Variants in FOXP1 observed in about 807,000 individuals in gnomAD.
FOXP1 encodes forkhead box P1.
FOXP1 carries 15 observed loss-of-function variants against 98.2 expected under a neutral mutation model. The ratio of observed to expected loss-of-function variants is 0.15; its 90% CI spans 0.10 to 0.24. The LOEUF (loss-of-function observed/expected upper bound fraction) is 0.24. FOXP1 is among the 10% of genes least tolerant of loss of function. FOXP1 has a pLI of 1.00. For missense variants in FOXP1, 633 were observed against 848.5 expected (o/e 0.75, Z 3.15); for synonymous variants, 371 against 314.5 (o/e 1.18, Z -1.90).
At chr3:71,412,718 T>C (rs2082848262) in intron 3 of FOXP1, among the ~76,000 whole-genome samples, 1 of 152,174 alleles carries the variant, frequency 6.6e-6, no homozygotes, top group Non-Finnish European at 1.5e-5. Flanking sequence ...GGGCTCACCC[T>C]TCACATCTTG....
At chr3:71,434,642 G>A (rs1235685215) in intron 3 of FOXP1, among the ~76,000 whole-genome samples, 1 of 151,282 alleles carries the variant, frequency 6.6e-6, no homozygotes, top group Non-Finnish European at 1.5e-5. Context: ...GTGTGTGTGT[G>A]TGTGTGTGTG....
chr3:71,070,516 G>C (rs942449009), intron 7 of FOXP1, among the ~76,000 whole-genome samples: 1 of 152,114 alleles, frequency 6.6e-6, no homozygotes, highest in Non-Finnish European at 1.5e-5. Context: ...TCCAAAAAAC[G>C]GAAGAGAAAA....
chr3:71,179,217 C>T (rs989430542), intron 6 of FOXP1, among the ~76,000 whole-genome samples: 3 of 151,108 alleles, frequency 2.0e-5, no homozygotes, highest in Non-Finnish European at 2.9e-5. Flanking sequence ...CAACCTCCGC[C>T]TCCCGGGTTC....
At chr3:71,005,626 C>T (rs1289049815) in intron 12 of FOXP1, among the ~76,000 whole-genome samples, 1 of 152,068 alleles carries the variant, frequency 6.6e-6, no homozygotes, top group African/African-American at 2.4e-5. Context: ...CAAAGACCCA[C>T]CCTTGATAGG....
At chr3:71,104,255 AC>A (rs1204025412) in intron 7 of FOXP1, among the ~76,000 whole-genome samples, 1 of 152,090 alleles carries the variant, frequency 6.6e-6, no homozygotes, top group Non-Finnish European at 1.5e-5. Context: ...ATTTTAAACA[AC>A]TTAAGGAAAC....
rs931493078 is a variant in FOXP1, at chr3:70,959,250, C to G, written c.2031G>C (p.Glu677Asp). 1 of 1,613,622 alleles carries G rather than the reference C, an allele frequency of 6.2e-7. No homozygotes were observed. Among genetic ancestry groups the G allele is most frequent in the East Asian group, 2.2e-5 (1 of 44,846 alleles). ...CGGGGTTGGCCCGCCCCGATAGTCA[C>G]TCCATGTCCTCGTTTACTGGTTCAT... ...YEDEPVNEDM[E>D] is the part of the protein sequence containing the mutation. Residue 677 changes from glutamate (E) to aspartate (D), a missense_variant, in exon 21 of 21, where the codon GAG becomes GAC. This residue lies in a region of FOXP1 where 150 missense variants were observed against 163.7 expected (regional missense o/e 0.92). Coordinates refer to ENST00000649528, the MANE Select transcript of FOXP1 (RefSeq NM_001349338.3).
At chr3:71,478,871 C>A (rs964463967) in intron 3 of FOXP1, among the ~76,000 whole-genome samples, 5 of 152,168 alleles carry the variant, frequency 3.3e-5, no homozygotes, top group African/African-American at 1.2e-4. Flanking sequence ...CTCAAGATAC[C>A]CATGCCCAGT....
At chr3:71,430,131 G>C (rs978444239) in intron 3 of FOXP1, among the ~76,000 whole-genome samples, 6 of 152,150 alleles carry the variant, frequency 3.9e-5, no homozygotes, top group African/African-American at 1.2e-4. Flanking sequence ...CTGGGAATGA[G>C]ACAATTCAGG....
At chr3:71,441,827 A>G (rs1317969819) in intron 3 of FOXP1, among the ~76,000 whole-genome samples, 1 of 152,182 alleles carries the variant, frequency 6.6e-6, no homozygotes, top group Non-Finnish European at 1.5e-5. Context: ...AGGCCCTTCA[A>G]CATCTTGGCA....
intron 3 of FOXP1, among the ~76,000 whole-genome samples, chr3:71,376,454 T>C (rs963634237): frequency 6.6e-6 from 1 of 152,214 alleles, no homozygotes; most frequent in Non-Finnish European, 1.5e-5. Flanking sequence ...CCAGTGATAT[T>C]GGCTAGTACA....
At chr3:71,178,727 CA>C (rs998400799) in intron 6 of FOXP1, among the ~76,000 whole-genome samples, 1 of 151,484 alleles carries the variant, frequency 6.6e-6, no homozygotes, top group African/African-American at 2.4e-5. Context: ...ACTAAAAATA[CA>C]AAAAAATTAG....
intron 7 of FOXP1, among the ~76,000 whole-genome samples, chr3:71,093,889 A>G (rs528888291): frequency 6.6e-6 from 1 of 152,282 alleles, no homozygotes; most frequent in East Asian, 1.9e-4. Flanking sequence ...AAAATCAATA[A>G]TCTTCTCATG....
At chr3:70,995,592 T>G (rs1003950291) in intron 13 of FOXP1, among the ~76,000 whole-genome samples, 1 of 152,186 alleles carries the variant, frequency 6.6e-6, no homozygotes, top group African/African-American at 2.4e-5. Flanking sequence ...TCTATGTGTA[T>G]AGTATAAGGA....
chr3:71,177,840 C>CTTTTTTTTTTT (rs397704711), intron 6 of FOXP1, among the ~76,000 whole-genome samples: 87 of 114,898 alleles, frequency 7.6e-4, no homozygotes, highest in Middle Eastern at 6.6e-3. Context: ...TTCTTTCTTT[C>CTTTTTTTTTTT]TTTTTTTTTT....
chr3:71,149,673 G>C (rs1190342345), intron 6 of FOXP1, among the ~76,000 whole-genome samples: 1 of 152,062 alleles, frequency 6.6e-6, no homozygotes, highest in Non-Finnish European at 1.5e-5. Flanking sequence ...TAAATACATA[G>C]ATGAATTATG....
rs1239253610 is a variant in FOXP1 at position 71,566,343 on chromosome 3, T to A, written c.-298+15206A>T. 3.3e-5 allele frequency among the ~76,000 whole-genome samples: 5 copies of A among 152,164 alleles called. No individual in the cohort carries two copies. In the East Asian group the frequency reaches 9.6e-4, roughly 29 times the overall value. On this transcript the variant is annotated intron_variant, in intron 2 of 20. Coordinates refer to ENST00000649528, the MANE Select transcript of FOXP1 (RefSeq NM_001349338.3). ...AAGTTAATAACTGGTTTGCAAATGG[T>A]GAGCTGTCCTGAGCCACATTCTCGT... is the stretch of plus-strand genomic sequence containing the variant.
At chr3:71,120,306 A>C (rs1228761961) in intron 6 of FOXP1, among the ~76,000 whole-genome samples, 5 of 152,238 alleles carry the variant, frequency 3.3e-5, no homozygotes, top group Non-Finnish European at 7.3e-5. Flanking sequence ...GCCAAGTCTT[A>C]CATCAACTGG....
At chr3:70,978,117 G>A (rs2037981926) in intron 14 of FOXP1, 88 bp from the exon 15 acceptor site, 1 of 1,062,136 alleles carries the variant, frequency 9.4e-7, no homozygotes, top group Non-Finnish European at 1.5e-6. Flanking sequence ...CACAGAGGAT[G>A]CGTGGGCACC....
intron 5 of FOXP1, among the ~76,000 whole-genome samples, chr3:71,234,312 G>A (rs924056184): frequency 3.3e-5 from 5 of 152,026 alleles, no homozygotes; most frequent in Admixed American, 2.0e-4. Context: ...ATTCCAACTC[G>A]GAATTAATCC....
Sources: allele counts gnomAD v4.1 joint callset (sites outside exome capture counted in the v4.1 genomes callset), GRCh38; gene constraint gnomAD v4.1.1; regional missense constraint gnomAD v4.1.1; transcripts MANE v1.5; gene names NCBI Gene and HGNC (gene_info 2026-07-23, HGNC 2026-07-21).